The following ZHX3 variants were observed in gnomAD, a reference collection of about 807,000 sequenced individuals.
ZHX3 encodes zinc fingers and homeoboxes protein 3.
ZHX3 carries 20 observed loss-of-function variants against 64.5 expected under a neutral mutation model. The ratio of observed to expected loss-of-function variants is 0.31; its 90% confidence interval spans 0.22 to 0.45. The LOEUF (loss-of-function observed/expected upper bound fraction) is 0.45. ZHX3 is among the 20% of genes least tolerant of loss of function. The pLI is 1.00. For synonymous variants in ZHX3, 423 were observed against 461.6 expected (o/e 0.92, Z 1.07); for missense variants, 1,041 against 1,195.8 (o/e 0.87, Z 1.91).
At chr20:41,246,734 G>A (rs752124567) in intron 2 of ZHX3, among the ~76,000 whole-genome samples, 10 of 151,550 alleles carry the variant, frequency 6.6e-5, no homozygotes, top group South Asian at 2.1e-4. Context: ...TTAGCCAGGC[G>A]TCGTGGCACA....
In ZHX3 at chr20:41,226,798, T is replaced by C. The variant is rs1401456997; in HGVS notation, c.-150-21732A>G. Among the ~76,000 whole-genome samples the C allele has an allele frequency of 1.3e-5, 2 of 152,190 alleles. No homozygotes were observed. The highest frequency in any genetic ancestry group is 6.5e-5 in the Admixed American group (1 of 15,274). ...GAAGCTATTATACCTTTCCTATCCC[T>C]TTCTGTTGGAAGAACTCTAGGTTCC... On this transcript the variant is annotated intron_variant, in intron 2 of 3. Coordinates refer to ENST00000683867, the MANE Select transcript of ZHX3 (RefSeq NM_001384317.1). The surrounding 1 kb of genome is among the most constrained non-coding windows in gnomAD (Gnocchi z 4.4).
chr20:41,276,603 C>T (rs1402822819), intron 1 of ZHX3, among the ~76,000 whole-genome samples: 1 of 152,134 alleles, frequency 6.6e-6, no homozygotes, highest in Non-Finnish European at 1.5e-5. Context: ...GCAGGCCTGC[C>T]GTTCTGTGCC....
chr20:41,290,989 T>G (rs2044208906), intron 1 of ZHX3, among the ~76,000 whole-genome samples: 2 of 152,190 alleles, frequency 1.3e-5, no homozygotes, highest in South Asian at 4.1e-4. Flanking sequence ...TTTGGGGAGC[T>G]TTAGGATATT....
At chr20:41,278,440 T>G (rs1392956835) in intron 1 of ZHX3, among the ~76,000 whole-genome samples, 1 of 140,978 alleles carries the variant, frequency 7.1e-6, no homozygotes, top group Admixed American at 7.1e-5. Context: ...CTGATGCACA[T>G]GCACAATTTT....
At chr20:41,238,992 CTTTTTTTTTTTTTTTT>C (rs36076017) in intron 2 of ZHX3, among the ~76,000 whole-genome samples, 2 of 86,300 alleles carry the variant, frequency 2.3e-5, no homozygotes, top group South Asian at 7.6e-4. Flanking sequence ...TTTTCTCTCT[CTTTTTTTTTTTTTTTT>C]TTTTTTTTTT....
At chr20:41,222,450 G>A (rs552451307) in intron 2 of ZHX3, among the ~76,000 whole-genome samples, 2 of 152,344 alleles carry the variant, frequency 1.3e-5, no homozygotes, top group South Asian at 4.1e-4. Flanking sequence ...GGTCACAAGT[G>A]TTGTAGGAAA....
chr20:41,231,759 A>G (rs1838712876), intron 2 of ZHX3, among the ~76,000 whole-genome samples: 1 of 152,254 alleles, frequency 6.6e-6, no homozygotes, highest in South Asian at 2.1e-4. Flanking sequence ...ATATTCACTT[A>G]GAATCAAATA....
intron 2 of ZHX3, among the ~76,000 whole-genome samples, chr20:41,211,363 C>T (rs1405153314): frequency 2.6e-5 from 4 of 151,974 alleles, no homozygotes; most frequent in Non-Finnish European, 5.9e-5. Flanking sequence ...AGTAAATAAA[C>T]ACGGCTATTT....
chr20:41,314,728 T>C, intron 1 of ZHX3, among the ~76,000 whole-genome samples: 1 of 152,182 alleles, frequency 6.6e-6, no homozygotes, highest in South Asian at 2.1e-4. Flanking sequence ...CAGATATAGA[T>C]GAGAAAGAAA....
intron 2 of ZHX3, among the ~76,000 whole-genome samples, chr20:41,237,043 C>T (rs1269044319): frequency 1.3e-5 from 2 of 152,284 alleles, no homozygotes; most frequent in East Asian, 3.9e-4. Context: ...CAGAGCAATG[C>T]AAATCAAAAC....
rs376054108 is a variant in ZHX3 at position 41,195,256 on chromosome 20, CA to C, written c.2860+6800del. ...CCAGACACCTGAGTAGCTGGCACTA[CA>C]GGAACATGCCACCACACCTGGCTTA... On this transcript the variant is annotated intron_variant, in intron 3 of 3. Coordinates refer to ENST00000683867, the MANE Select transcript of ZHX3 (RefSeq NM_001384317.1). The surrounding 1 kb of genome is among the most constrained non-coding windows in gnomAD (Gnocchi z 4.2). Among the ~76,000 whole-genome samples, 1 of 152,082 alleles carries C rather than the reference CA, an allele frequency of 6.6e-6. No individual in the cohort carries two copies. The highest frequency in any genetic ancestry group is 2.4e-5 in the African/African-American group (1 of 41,414).
rs529521525 is a variant in ZHX3, at chr20:41,226,222, C to A, written c.-150-21156G>T. 2.8e-4 allele frequency among the ~76,000 whole-genome samples: 42 copies of A among 152,116 alleles called. 1 individual carries two copies. Among genetic ancestry groups the A allele is most frequent in the African/African-American group, 9.4e-4 (39 of 41,500 alleles). Reference sequence around the variant, plus strand: ...ACCATTTTGGCTAACATGGTGAAACCCCATCTCTACTAAAAATACAAAAAA... The same window carrying A: ...ACCATTTTGGCTAACATGGTGAAACACCATCTCTACTAAAAATACAAAAAA... On this transcript the variant is annotated intron_variant, in intron 2 of 3. Coordinates refer to ENST00000683867, the MANE Select transcript of ZHX3 (RefSeq NM_001384317.1). This position sits in a 1 kb window ranked among gnomAD's most constrained non-coding sequence, Gnocchi z 4.4.
chr20:41,283,242 T>C (rs992629114), intron 1 of ZHX3, among the ~76,000 whole-genome samples: 8 of 152,250 alleles, frequency 5.3e-5, no homozygotes, highest in African/African-American at 1.4e-4. Context: ...TCAGGGTGCA[T>C]GTGTGTGTGC....
At chr20:41,303,831 C>G (rs2044896612) in intron 1 of ZHX3, among the ~76,000 whole-genome samples, 1 of 152,130 alleles carries the variant, frequency 6.6e-6, no homozygotes, top group Non-Finnish European at 1.5e-5. Context: ...TTGGGAAGCC[C>G]ATAGCCCCCT....
intron 2 of ZHX3, chr20:41,267,639 G>A (rs1245754546): frequency 6.6e-6 from 1 of 152,216 alleles, no homozygotes; most frequent in Non-Finnish European, 1.5e-5. Context: ...GAAGGATAGA[G>A]TGATTCCAGG....
intron 1 of ZHX3, among the ~76,000 whole-genome samples, chr20:41,295,278 A>C (rs2044451127): frequency 6.6e-6 from 1 of 152,248 alleles, no homozygotes; most frequent in Non-Finnish European, 1.5e-5. Flanking sequence ...AATCCTTTTC[A>C]TAGAATGCAG....
chr20:41,217,637 G>A (rs985848543), intron 2 of ZHX3, among the ~76,000 whole-genome samples: 3 of 152,144 alleles, frequency 2.0e-5, no homozygotes, highest in African/African-American at 7.2e-5. Context: ...TTCCATGACC[G>A]AAAAGAAAAC....
rs6102301 is a variant in ZHX3, at chr20:41,200,571, G to A, written c.2860+1486C>T. On this transcript the variant is annotated intron_variant, in intron 3 of 3. Coordinates refer to ENST00000683867, the MANE Select transcript of ZHX3 (RefSeq NM_001384317.1). This position sits in a 1 kb window ranked among gnomAD's most constrained non-coding sequence, Gnocchi z 4.2. ...CCCCAAAGGAGGGGAGTGTTTTGTT[G>A]TTGCCGTATTGAAAACATGGCTGGA... 0.049 allele frequency among the ~76,000 whole-genome samples: 7,522 copies of A among 152,216 alleles called. 638 individuals are homozygous for A. The highest frequency in any genetic ancestry group is 0.17 in the African/African-American group (7,219 of 41,490).
rs1191714033 is a variant in ZHX3, at chr20:41,224,238, A to C, written c.-150-19172T>G. ...TTATCATTTATGACAATTTATTACA[A>C]AGCCCCTTTCTTAGTTGGACCTGGT... On this transcript the variant is annotated intron_variant, in intron 2 of 3. Coordinates refer to ENST00000683867, the MANE Select transcript of ZHX3 (RefSeq NM_001384317.1). This position sits in a 1 kb window ranked among gnomAD's most constrained non-coding sequence, Gnocchi z 5.2. Among the ~76,000 whole-genome samples, 2 of 152,170 alleles carry C rather than the reference A, an allele frequency of 1.3e-5. No homozygotes were observed. Among genetic ancestry groups the C allele is most frequent in the African/African-American group, 4.8e-5 (2 of 41,452 alleles).
Sources: gnomAD v4.1 joint callset for allele counts (sites outside exome capture counted in the v4.1 genomes callset) on GRCh38, gnomAD v4.1.1 for gene constraint, Gnocchi (gnomAD v3.1) non-coding constraint, MANE v1.5 for transcripts, NCBI Gene and HGNC (gene_info 2026-07-23, HGNC 2026-07-21) for gene names.